Variants in SPOCK1 observed in about 807,000 individuals in gnomAD.
SPOCK1 encodes testican-1.
A neutral mutation model predicts 55.3 loss-of-function variants in SPOCK1; 23 were observed. The observed-to-expected ratio is 0.42, with a 90% CI of 0.30 to 0.59. The LOEUF is 0.59. SPOCK1 is among the 20% of genes least tolerant of loss of function. SPOCK1 has a pLI of 0.22. For synonymous variants in SPOCK1, 226 were observed against 221.0 expected (o/e 1.02, Z -0.20); for missense variants, 499 against 552.5 (o/e 0.90, Z 0.97).
At chr5:137,358,650 A>G (rs1750875618) in intron 2 of SPOCK1, among the ~76,000 whole-genome samples, 1 of 152,102 alleles carries the variant, frequency 6.6e-6, no homozygotes, top group Admixed American at 6.6e-5. Context: ...ATGACAAGAA[A>G]TTGAACCTAT....
intron 3 of SPOCK1, among the ~76,000 whole-genome samples, chr5:137,214,039 A>C (rs1183922181): frequency 1.3e-5 from 2 of 152,246 alleles, no homozygotes; most frequent in Non-Finnish European, 2.9e-5. Flanking sequence ...GGCCTTTGTC[A>C]TTATAATATT....
intron 2 of SPOCK1, among the ~76,000 whole-genome samples, chr5:137,389,482 G>C (rs1304217327): frequency 6.6e-6 from 1 of 152,244 alleles, no homozygotes; most frequent in Non-Finnish European, 1.5e-5. Flanking sequence ...TGACTTTGTG[G>C]ATTTGACACA....
At chr5:137,112,796 C>T (rs897120069) in intron 4 of SPOCK1, among the ~76,000 whole-genome samples, 5 of 148,286 alleles carry the variant, frequency 3.4e-5, no homozygotes, top group Admixed American at 1.4e-4. Context: ...ACAATGTAGC[C>T]ATTGAAAACA....
intron 3 of SPOCK1, among the ~76,000 whole-genome samples, chr5:137,160,540 AATAT>A (rs1491140183): frequency 2.0e-5 from 1 of 49,580 alleles, no homozygotes; most frequent in Non-Finnish European, 3.6e-5. Flanking sequence ...AAAAATATAT[AATAT>A]ATATAATATA....
At chr5:137,174,552 T>C (rs1439312101) in intron 3 of SPOCK1, among the ~76,000 whole-genome samples, 2 of 152,248 alleles carry the variant, frequency 1.3e-5, no homozygotes, top group East Asian at 1.9e-4. Context: ...ACATGAGCAG[T>C]GCACCCCAGT....
At chr5:137,081,684 T>C (rs1378431433) in intron 5 of SPOCK1, among the ~76,000 whole-genome samples, 2 of 152,208 alleles carry the variant, frequency 1.3e-5, no homozygotes, top group African/African-American at 2.4e-5. Flanking sequence ...TTTAACCAAA[T>C]GCAACAAGAT....
chr5:137,010,846 A>T (rs898423320), intron 6 of SPOCK1, among the ~76,000 whole-genome samples: 1 of 152,144 alleles, frequency 6.6e-6, no homozygotes, highest in Admixed American at 6.5e-5. Context: ...CCACCCTGAT[A>T]ACACCTCAGA....
At chr5:137,164,340 G>A (rs1410102099) in intron 3 of SPOCK1, among the ~76,000 whole-genome samples, 1 of 152,034 alleles carries the variant, frequency 6.6e-6, no homozygotes, top group African/African-American at 2.4e-5. Flanking sequence ...ACACACCATG[G>A]GACAGAAGGA....
intron 6 of SPOCK1, among the ~76,000 whole-genome samples, chr5:137,032,214 A>G (rs62387883): frequency 0.017 from 2,541 of 152,144 alleles, 29 homozygotes; most frequent in Non-Finnish European, 0.026. Flanking sequence ...GGGAGTACCA[A>G]TGAGAAAGAT....
chr5:137,455,287 G>GA (rs1753340484), intron 2 of SPOCK1, among the ~76,000 whole-genome samples: 1 of 152,214 alleles, frequency 6.6e-6, no homozygotes, highest in South Asian at 2.1e-4. Flanking sequence ...TCTGAGGCCA[G>GA]AAAAGGTGGA....
At chr5:137,351,576 G>A (rs1243391671) in intron 2 of SPOCK1, among the ~76,000 whole-genome samples, 1 of 152,108 alleles carries the variant, frequency 6.6e-6, no homozygotes, top group Non-Finnish European at 1.5e-5. Flanking sequence ...TACTCTCCAG[G>A]CCCTCCCAGT....
At chr5:137,218,798 G>A (rs1755767147) in intron 3 of SPOCK1, among the ~76,000 whole-genome samples, 1 of 152,070 alleles carries the variant, frequency 6.6e-6, no homozygotes. Flanking sequence ...CCTGCCCAAG[G>A]AGGAGCTCCT....
At chr5:137,365,523 G>C (rs1341448406) in intron 2 of SPOCK1, 3 of 152,150 alleles carry the variant, frequency 2.0e-5, no homozygotes, top group Admixed American at 6.5e-5. Flanking sequence ...ACCAATGCTG[G>C]GGCAAACCCT....
At chr5:137,396,210 A>T (rs1445008419) in intron 2 of SPOCK1, among the ~76,000 whole-genome samples, 1 of 152,082 alleles carries the variant, frequency 6.6e-6, no homozygotes, top group Admixed American at 6.5e-5. Flanking sequence ...CCCTCCACTA[A>T]CCTATCTCCA....
chr5:137,267,830 C>T (rs1756888376), intron 2 of SPOCK1, among the ~76,000 whole-genome samples: 1 of 152,184 alleles, frequency 6.6e-6, no homozygotes, highest in African/African-American at 2.4e-5. Flanking sequence ...GCACTTTGAC[C>T]CCATTGTTTC....
intron 2 of SPOCK1, among the ~76,000 whole-genome samples, chr5:137,350,418 T>C (rs1750652581): frequency 6.6e-6 from 1 of 152,234 alleles, no homozygotes. Context: ...TGGCAAGGCT[T>C]GGCTGAGCAA....
At chr5:137,469,626 A>G (rs1406222137) in intron 2 of SPOCK1, among the ~76,000 whole-genome samples, 1 of 152,198 alleles carries the variant, frequency 6.6e-6, no homozygotes, top group Non-Finnish European at 1.5e-5. Context: ...TAAAGGGAGT[A>G]TATTATGTAC....
intron 4 of SPOCK1, among the ~76,000 whole-genome samples, chr5:137,126,703 A>G (rs1753787641): frequency 6.6e-6 from 1 of 152,196 alleles, no homozygotes; most frequent in Admixed American, 6.5e-5. Context: ...CGGAGGCTGC[A>G]GTGAGCTGAG....
At chr5:136,989,268 G>A (rs1479083718) in intron 7 of SPOCK1, among the ~76,000 whole-genome samples, 2 of 152,162 alleles carry the variant, frequency 1.3e-5, no homozygotes, top group African/African-American at 2.4e-5. Flanking sequence ...TATTTCCCTG[G>A]GGGAGAAGAA....
Sources: allele counts gnomAD v4.1 joint callset (sites outside exome capture counted in the v4.1 genomes callset), GRCh38; gene constraint gnomAD v4.1.1; transcripts MANE v1.5; gene names NCBI Gene and HGNC (gene_info 2026-07-23, HGNC 2026-07-21).